ZNF609: variants seen among roughly 807,000 people sequenced by gnomAD.
ZNF609 encodes the protein zinc finger protein 609.
Under a neutral mutation model 109.5 loss-of-function variants are expected in ZNF609, and 11 were observed. The ratio of observed to expected loss-of-function variants is 0.10; its 90% CI spans 0.06 to 0.17. The LOEUF is 0.17. Among genes scored for constraint, ZNF609 ranks in the 10% least tolerant of loss-of-function variants. The pLI is 1.00. For missense variants in ZNF609, 1,559 were observed against 1,772.4 expected (o/e 0.88, Z 2.16); for synonymous variants, 646 against 662.0 (o/e 0.98, Z 0.37).
intron 6 of ZNF609, among the ~76,000 whole-genome samples, chr15:64,679,133 C>T (rs1334405442): frequency 2.0e-5 from 3 of 152,168 alleles, no homozygotes; most frequent in African/African-American, 4.8e-5. Flanking sequence ...AGTGCAGTGG[C>T]GTGATCTCGG....
Position 64,682,838 on chromosome 15 carries a change from T to G in ZNF609, c.*1152T>G, listed in dbSNP as rs1294733991. On this transcript the variant is annotated 3_prime_UTR_variant, in exon 10 of 10. Coordinates refer to ENST00000326648, the MANE Select transcript of ZNF609 (RefSeq NM_015042.2). ...GTACATGATTTTATATAGCTCAGTC[T>G]ATAACCTCCATGTGGGCCAATATAA... is the stretch of plus-strand genomic sequence containing the variant. The G allele has an allele frequency of 6.6e-6, 1 of 152,604 alleles. No individual in the cohort carries two copies. The highest frequency in any genetic ancestry group is 2.4e-5 in the African/African-American group (1 of 41,460). The allele number at this position is 152,604 out of a possible 1,614,324, so 9.5% of individuals were successfully genotyped here.
At chr15:64,633,424 G>T (rs2140984639) in intron 3 of ZNF609, among the ~76,000 whole-genome samples, 1 of 152,214 alleles carries the variant, frequency 6.6e-6, no homozygotes, top group Non-Finnish European at 1.5e-5. Context: ...TAGGACTATA[G>T]GCGTGAACCA....
At chr15:64,667,831 G>A (rs1376590741) in intron 3 of ZNF609, among the ~76,000 whole-genome samples, 1 of 152,174 alleles carries the variant, frequency 6.6e-6, no homozygotes, top group African/African-American at 2.4e-5. Flanking sequence ...TGATTTCAGA[G>A]GAGTAAATAG....
At chr15:64,494,512 C>G (rs901011519) in intron 1 of ZNF609, among the ~76,000 whole-genome samples, 4 of 152,036 alleles carry the variant, frequency 2.6e-5, no homozygotes, top group African/African-American at 9.7e-5. Context: ...CCACACTGCA[C>G]ACATCATATA....
chr15:64,614,887 C>T (rs967684275), intron 2 of ZNF609, among the ~76,000 whole-genome samples: 1 of 137,496 alleles, frequency 7.3e-6, no homozygotes, highest in African/African-American at 2.7e-5. Flanking sequence ...GGCACAATCT[C>T]GACTCACTGC....
chr15:64,596,650 T>C (rs918812921), intron 2 of ZNF609, among the ~76,000 whole-genome samples: 1 of 152,226 alleles, frequency 6.6e-6, no homozygotes, highest in East Asian at 1.9e-4. Context: ...ATTTGTCTCC[T>C]AATAGCAGTT....
At chr15:64,631,304 G>A in intron 3 of ZNF609, 1 of 674,018 alleles carries the variant, frequency 1.5e-6, no homozygotes, top group Non-Finnish European at 2.8e-6. Context: ...GAGAGTGAGT[G>A]CTTAATGTGC....
chr15:64,514,616 A>G (rs989176850), intron 2 of ZNF609, among the ~76,000 whole-genome samples: 1 of 148,014 alleles, frequency 6.8e-6, no homozygotes, highest in Non-Finnish European at 1.5e-5. Context: ...TCTCACTTTC[A>G]CCTTTAGATT....
At chr15:64,594,580 T>G (rs1895358753) in intron 2 of ZNF609, among the ~76,000 whole-genome samples, 1 of 151,788 alleles carries the variant, frequency 6.6e-6, no homozygotes, top group African/African-American at 2.4e-5. Context: ...TCAAGCAGTC[T>G]GCCTGCCTCA....
chr15:64,669,086 G>T (rs1277575577), intron 3 of ZNF609, among the ~76,000 whole-genome samples: 1 of 151,934 alleles, frequency 6.6e-6, no homozygotes. Flanking sequence ...AGGGCAAGAG[G>T]TATTCATGGG....
At chr15:64,634,554 G>A (rs1896142283) in intron 3 of ZNF609, among the ~76,000 whole-genome samples, 1 of 152,216 alleles carries the variant, frequency 6.6e-6, no homozygotes, top group South Asian at 2.1e-4. Context: ...TCTAATTTTA[G>A]ATATTTGCAC....
chr15:64,612,160 T>TG lies in ZNF609; in HGVS notation c.748-10667_748-10666insG, dbSNP rs541422114. On this transcript the variant is annotated intron_variant, in intron 2 of 9. Transcript: ENST00000326648. ...ATAATAGAATATATAGCTTCTTTTT[T>TG]TTTTTGAGACGGAATTCCCCTCTGT... is the stretch of plus-strand genomic sequence containing the variant. 6.6e-5 allele frequency among the ~76,000 whole-genome samples: 10 copies of TG among 151,854 alleles called. No homozygotes were observed. In the East Asian group the frequency reaches 1.9e-3, roughly 29 times the overall value.
chr15:64,659,370 C>A (rs975763306), intron 3 of ZNF609, among the ~76,000 whole-genome samples: 3 of 152,060 alleles, frequency 2.0e-5, no homozygotes, highest in Non-Finnish European at 4.4e-5. Flanking sequence ...CTTTGAGTTC[C>A]AAATAACAGA....
At chr15:64,481,473 A>C (rs1765746933) in intron 1 of ZNF609, among the ~76,000 whole-genome samples, 1 of 151,832 alleles carries the variant, frequency 6.6e-6, no homozygotes, top group Non-Finnish European at 1.5e-5. Context: ...GGCATGTGAC[A>C]CCACGCCTAG....
chr15:64,575,279 C>G (rs1894931308), intron 2 of ZNF609, among the ~76,000 whole-genome samples: 1 of 152,044 alleles, frequency 6.6e-6, no homozygotes, highest in African/African-American at 2.4e-5. Flanking sequence ...ACAAAATTAT[C>G]TGGGTGTGGT....
intron 3 of ZNF609, among the ~76,000 whole-genome samples, chr15:64,656,365 C>T (rs1437274951): frequency 1.3e-5 from 2 of 152,032 alleles, no homozygotes; most frequent in African/African-American, 2.4e-5. Flanking sequence ...GCCTAGCTAT[C>T]TTATTTTCTA....
intron 2 of ZNF609, among the ~76,000 whole-genome samples, chr15:64,523,818 T>G (rs1168932638): frequency 6.6e-6 from 1 of 152,008 alleles, no homozygotes; most frequent in Non-Finnish European, 1.5e-5. Context: ...TTCATGTGAA[T>G]GGAAGATTGA....
At chr15:64,490,666 A>G (rs1893401230) in intron 1 of ZNF609, among the ~76,000 whole-genome samples, 1 of 152,114 alleles carries the variant, frequency 6.6e-6, no homozygotes, top group Admixed American at 6.6e-5. Context: ...AGGGTTTTCT[A>G]TGTGGATCAC....
chr15:64,653,667 A>G (rs566768117), intron 3 of ZNF609, among the ~76,000 whole-genome samples: 1 of 151,846 alleles, frequency 6.6e-6, no homozygotes, highest in East Asian at 1.9e-4. Flanking sequence ...AATAAATAAA[A>G]AATAAACTTC....
Sources: gnomAD v4.1 joint callset for allele counts (sites outside exome capture counted in the v4.1 genomes callset) on GRCh38, gnomAD v4.1.1 for gene constraint, MANE v1.5 for transcripts, NCBI Gene and HGNC (gene_info 2026-07-23, HGNC 2026-07-21) for gene names.